Variants in ABCD2 observed in about 807,000 individuals in gnomAD.
ABCD2 encodes ATP binding cassette subfamily D member 2.
A neutral mutation model predicts 70.9 loss-of-function variants in ABCD2; 36 were observed. The observed-to-expected ratio is 0.51, with a 90% CI of 0.39 to 0.67. ABCD2 has a LOEUF of 0.67. ABCD2 is among the 30% of genes least tolerant of loss of function. The probability of loss-of-function intolerance (pLI) is 0.00; values close to 1 mark genes in which losing one functional copy is unlikely to be tolerated. For synonymous variants in ABCD2, 304 were observed against 306.9 expected, an observed-to-expected ratio of 0.99 and a Z score of 0.10; for missense variants, 729 against 890.2, an observed-to-expected ratio of 0.82 and a Z score of 2.30.
intron 8 of ABCD2, among the ~76,000 whole-genome samples, chr12:39,575,324 C>T (rs1941501468): frequency 6.6e-6 from 1 of 152,050 alleles, no homozygotes; most frequent in Non-Finnish European, 1.5e-5. Flanking sequence ...TGTAAGATCA[C>T]ATGTTTTAGT....
intron 6 of ABCD2, among the ~76,000 whole-genome samples, chr12:39,598,998 A>G (rs1941858873): frequency 6.6e-6 from 1 of 152,192 alleles, no homozygotes; most frequent in African/African-American, 2.4e-5. Context: ...TTTAACAGTA[A>G]TTATTAAAAT....
intron 6 of ABCD2, among the ~76,000 whole-genome samples, chr12:39,593,040 C>T (rs916512191): frequency 2.0e-5 from 3 of 152,092 alleles, no homozygotes; most frequent in African/African-American, 7.2e-5. Context: ...TTCTGTCCTC[C>T]ATAGAGAAAA....
intron 7 of ABCD2, among the ~76,000 whole-genome samples, chr12:39,581,771 A>G (rs2082015094): frequency 6.6e-6 from 1 of 152,194 alleles, no homozygotes; most frequent in South Asian, 2.1e-4. Flanking sequence ...TACTAAACCC[A>G]AAGGTTTTTG....
At chr12:39,559,531 T>C (rs1280559693) in intron 9 of ABCD2, among the ~76,000 whole-genome samples, 1 of 151,684 alleles carries the variant, frequency 6.6e-6, no homozygotes, top group Non-Finnish European at 1.5e-5. Context: ...TACAGGAAGG[T>C]CAAAAGTCTT....
chr12:39,558,359 T>C (rs1031476365), intron 9 of ABCD2, among the ~76,000 whole-genome samples: 4 of 152,106 alleles, frequency 2.6e-5, no homozygotes, highest in Non-Finnish European at 5.9e-5. Flanking sequence ...AGTTAAGACA[T>C]TGAGGGGCTG....
intron 1 of ABCD2, among the ~76,000 whole-genome samples, chr12:39,618,126 A>G (rs1566594683): frequency 1.3e-5 from 2 of 151,654 alleles, no homozygotes; most frequent in Non-Finnish European, 1.5e-5. Context: ...TAGAAATGCC[A>G]TTTTGTGAGA....
chr12:39,593,237 T>C (rs1422570007), intron 6 of ABCD2, among the ~76,000 whole-genome samples: 1 of 152,138 alleles, frequency 6.6e-6, no homozygotes, highest in Non-Finnish European at 1.5e-5. Flanking sequence ...TCACAGCTTT[T>C]ATTTTTTTGT....
chr12:39,563,729 A>G (rs530635977), intron 9 of ABCD2, among the ~76,000 whole-genome samples: 1 of 152,030 alleles, frequency 6.6e-6, no homozygotes, highest in Non-Finnish European at 1.5e-5. Flanking sequence ...GCACCCATTA[A>G]CTCATCATTT....
At chr12:39,544,740 A>G in the ABCD2 span, among the ~76,000 whole-genome samples, 44,042 of 151,964 alleles carry the variant, frequency 0.29, 7,137 homozygotes, top group South Asian at 0.44. Context: ...GACAGGAGAC[A>G]TAGTGGGAAT....
intron 9 of ABCD2, among the ~76,000 whole-genome samples, chr12:39,568,313 C>G (rs1276128849): frequency 2.0e-5 from 3 of 152,330 alleles, no homozygotes; most frequent in Non-Finnish European, 4.4e-5. Context: ...TTCTTGGAGG[C>G]TTTGTTCATT....
At chr12:39,592,621 A>G (rs948617848) in intron 6 of ABCD2, among the ~76,000 whole-genome samples, 1 of 152,216 alleles carries the variant, frequency 6.6e-6, no homozygotes, top group African/African-American at 2.4e-5. Flanking sequence ...GGGCAGCAGG[A>G]CAATAGATAT....
intron 6 of ABCD2, among the ~76,000 whole-genome samples, chr12:39,593,966 T>C (rs1323009970): frequency 6.6e-6 from 1 of 152,198 alleles, no homozygotes; most frequent in African/African-American, 2.4e-5. Flanking sequence ...AGAATATAGC[T>C]TCCTTCACCT....
intron 9 of ABCD2, among the ~76,000 whole-genome samples, chr12:39,572,907 G>A (rs1392636375): frequency 6.6e-6 from 1 of 152,180 alleles, no homozygotes; most frequent in Non-Finnish European, 1.5e-5. Flanking sequence ...AAATAGAAAT[G>A]CAAAAGTAGA....
At chr12:39,588,985 A>G (rs1941705534) in intron 6 of ABCD2, among the ~76,000 whole-genome samples, 1 of 152,194 alleles carries the variant, frequency 6.6e-6, no homozygotes, top group Non-Finnish European at 1.5e-5. Context: ...TAATATATAA[A>G]TGTCAGATTT....
At chr12:39,603,396 T>C (rs1191164453) in intron 5 of ABCD2, among the ~76,000 whole-genome samples, 1 of 152,050 alleles carries the variant, frequency 6.6e-6, no homozygotes, top group Admixed American at 6.5e-5. Flanking sequence ...ACATAAGATA[T>C]TAAATAAGAA....
the ABCD2 span, among the ~76,000 whole-genome samples, chr12:39,534,770 G>GAAAGAA: frequency 1.1e-5 from 1 of 88,384 alleles, no homozygotes; most frequent in Non-Finnish European, 2.2e-5. Context: ...GAGAAAGAAA[G>GAAAGAA]AAAGAAAGAA....
At chr12:39,574,143 C>G (rs111251515) in intron 8 of ABCD2, among the ~76,000 whole-genome samples, 61 of 152,214 alleles carry the variant, frequency 4.0e-4, no homozygotes, top group African/African-American at 1.3e-3. Flanking sequence ...TCACTGAGTA[C>G]ATTTTCCTGC....
the ABCD2 span, among the ~76,000 whole-genome samples, chr12:39,532,364 G>C: frequency 6.6e-6 from 1 of 152,180 alleles, no homozygotes; most frequent in Non-Finnish European, 1.5e-5. Context: ...CATTTGAAAA[G>C]CTGTTCAACA....
Position 39,554,443 on chromosome 12 carries a change from C to T in ABCD2, c.2004-312G>A, listed in dbSNP as rs188470133. On this transcript the variant is annotated intron_variant, in intron 9 of 9. Coordinates refer to ENST00000308666, the MANE Select transcript of ABCD2 (RefSeq NM_005164.4). Reference sequence around the variant, plus strand: ...TTTGGCTCCTGAATAAATAGTAAGGCATTCTTAGGATGGGAGTAAGGAAAG... The same window carrying T: ...TTTGGCTCCTGAATAAATAGTAAGGTATTCTTAGGATGGGAGTAAGGAAAG... 2.0e-5 allele frequency among the ~76,000 whole-genome samples: 3 copies of T among 151,950 alleles called. No homozygotes were observed. The East Asian group carries it at 5.8e-4, about 29-fold the overall frequency.
Sources: gnomAD v4.1 joint callset for allele counts (sites outside exome capture counted in the v4.1 genomes callset) on GRCh38, gnomAD v4.1.1 for gene constraint, MANE v1.5 for transcripts, NCBI Gene and HGNC (gene_info 2026-07-23, HGNC 2026-07-21) for gene names.